The following MORC2 variants were observed in gnomAD, a reference collection of about 807,000 sequenced individuals.
MORC2 encodes the protein MORC family CW-type zinc finger 2.
In MORC2, 30 loss-of-function variants were observed where a neutral mutation model predicts 136.0. That is an observed-to-expected ratio of 0.22 (90% CI 0.17 to 0.30). MORC2 has a LOEUF of 0.30. Among genes scored for constraint, MORC2 ranks in the 10% least tolerant of loss-of-function variants. MORC2 has a pLI of 1.00. For synonymous variants in MORC2, 439 were observed against 487.0 expected, an observed-to-expected ratio of 0.90 and a Z score of 1.30; for missense variants, 922 against 1,333.1, an observed-to-expected ratio of 0.69 and a Z score of 4.80.
intron 1 of MORC2, chr22:30,967,037 T>C (rs2041138655): frequency 1.1e-6 from 1 of 944,450 alleles, no homozygotes; most frequent in Non-Finnish European, 1.3e-6. Context: ...TCATCTCCTC[T>C]CCAGGTACTA....
intron 6 of MORC2, among the ~76,000 whole-genome samples, chr22:30,944,651 C>T (rs1018351441): frequency 6.6e-6 from 1 of 152,154 alleles, no homozygotes; most frequent in African/African-American, 2.4e-5. Context: ...CCCCTCCATA[C>T]TTCCCCTCTT....
rs557006088 is a variant in MORC2, at chr22:30,936,919, A to T, written c.1604+13T>A. Reference sequence around the variant, plus strand: ...AAAGTACCCACAATCCCCTTGTTAGACAATGTGCTCACCGGTCCTGTTCAG... The same window carrying T: ...AAAGTACCCACAATCCCCTTGTTAGTCAATGTGCTCACCGGTCCTGTTCAG... On this transcript the variant is annotated intron_variant, in intron 16 of 25. Transcript: ENST00000397641. 1.9e-6 allele frequency: 3 copies of T among 1,607,776 alleles called. No homozygotes were observed. The highest frequency in any genetic ancestry group is 1.7e-5 in the Admixed American group (1 of 59,964).
intron 3 of MORC2, among the ~76,000 whole-genome samples, chr22:30,956,000 C>T (rs1157309246): frequency 7.2e-6 from 1 of 139,182 alleles, no homozygotes; most frequent in African/African-American, 2.7e-5. Flanking sequence ...AGGTAAGACT[C>T]CATCTCAAAA....
intron 6 of MORC2, among the ~76,000 whole-genome samples, chr22:30,943,348 C>CA (rs1171291588): frequency 6.6e-6 from 1 of 152,226 alleles, no homozygotes; most frequent in Non-Finnish European, 1.5e-5. Flanking sequence ...TGAGGGCACA[C>CA]AGGACACTTC....
Position 30,937,121 on chromosome 22 carries a change from T to G in MORC2, c.1499-84A>C. The G allele has an allele frequency of 1.1e-6, 1 of 929,978 alleles. No individual in the cohort carries two copies. Among genetic ancestry groups the G allele is most frequent in the Admixed American group, 1.9e-5 (1 of 51,658 alleles). 57.6% of individuals were successfully genotyped at this position (929,978 alleles called of 1,614,324 possible). A position where few individuals can be genotyped will look rare whatever the true frequency, so the allele number is the denominator to read the frequency against. ...CGGGTTCCTCACAGGCCCACCACAA[T>G]GATGCCCCAGACTTTGTAGGCAAAG... On this transcript the variant is annotated intron_variant, in intron 15 of 25. Coordinates refer to ENST00000397641, the MANE Select transcript of MORC2 (RefSeq NM_001303256.3). The surrounding 1 kb of genome is among the most constrained non-coding windows in gnomAD (Gnocchi z 4.7).
intron 6 of MORC2, 126 bp downstream of exon 6, chr22:30,946,215 A>G: frequency 1.5e-6 from 1 of 653,554 alleles, no homozygotes; most frequent in Non-Finnish European, 2.6e-6. Context: ...CTGCATAACA[A>G]TTAGGGGGAA....
chr22:30,932,010 C>T lies in MORC2; in HGVS notation c.2841+349G>A, dbSNP rs974528558. 2.6e-5 allele frequency among the ~76,000 whole-genome samples: 4 copies of T among 152,234 alleles called. No homozygotes were observed. Among genetic ancestry groups the T allele is most frequent in the Non-Finnish European group, 5.9e-5 (4 of 68,044 alleles). ...TTCGAGCCTCAGCTCTTCACTGTTGCCTGGGACAGGTTTACTCCCTCTACT... is the reference window on the plus strand; with the variant it reads ...TTCGAGCCTCAGCTCTTCACTGTTGTCTGGGACAGGTTTACTCCCTCTACT... On this transcript the variant is annotated intron_variant, in intron 24 of 25. Coordinates refer to ENST00000397641, the MANE Select transcript of MORC2 (RefSeq NM_001303256.3). This position sits in a 1 kb window ranked among gnomAD's most constrained non-coding sequence, Gnocchi z 4.4.
chr22:30,934,317 T>C lies in MORC2; in HGVS notation c.2194-126A>G. On this transcript the variant is annotated intron_variant, in intron 19 of 25. Transcript: ENST00000397641. The surrounding 1 kb of genome is among the most constrained non-coding windows in gnomAD (Gnocchi z 4.4). ...ACTCCCTGCAATCCCTGCCTGACAT[T>C]ACTTGGAATGTACACAGGCAACCCA... 7.3e-7 allele frequency: 1 copy of C among 1,374,292 alleles called. No individual in the cohort carries two copies. The highest frequency in any genetic ancestry group is 1.4e-5 in the South Asian group (1 of 70,556). The allele number at this position is 1,374,292 out of a possible 1,614,324, so 85.1% of individuals were successfully genotyped here.
At chr22:30,954,341 T>C (rs1258533333) in intron 3 of MORC2, among the ~76,000 whole-genome samples, 2 of 152,108 alleles carry the variant, frequency 1.3e-5, no homozygotes, top group Non-Finnish European at 1.5e-5. Context: ...GGTAGAAAAG[T>C]GTAGGGTTAA....
chr22:30,938,724 C>T (rs1418842421), intron 12 of MORC2, among the ~76,000 whole-genome samples: 2 of 152,190 alleles, frequency 1.3e-5, no homozygotes, highest in African/African-American at 4.8e-5. Flanking sequence ...TGCCCGCCAC[C>T]ATGCCCGGCT....
intron 24 of MORC2, among the ~76,000 whole-genome samples, chr22:30,930,703 C>T (rs2040562830): frequency 6.6e-6 from 1 of 152,206 alleles, no homozygotes; most frequent in Non-Finnish European, 1.5e-5. Context: ...ACTAATCCTG[C>T]AGTTTCCATT....
chr22:30,960,469 G>A (rs2041026914), intron 1 of MORC2, among the ~76,000 whole-genome samples: 3 of 151,846 alleles, frequency 2.0e-5, no homozygotes. Flanking sequence ...TATACTACAG[G>A]GAAAAGACAG....
At chr22:30,966,577 C>A (rs2041131517) in intron 1 of MORC2, among the ~76,000 whole-genome samples, 1 of 152,034 alleles carries the variant, frequency 6.6e-6, no homozygotes, top group Non-Finnish European at 1.5e-5. Context: ...GAGTTCGGGA[C>A]CAGCCTGGCC....
At chr22:30,961,322 C>T (rs773900069) in intron 1 of MORC2, among the ~76,000 whole-genome samples, 44 of 152,246 alleles carry the variant, frequency 2.9e-4, no homozygotes, top group Non-Finnish European at 6.2e-4. Flanking sequence ...CTGTAAACTA[C>T]CCCACTAACT....
In MORC2 at chr22:30,940,831, G is replaced by A; in HGVS notation, c.831C>T (p.Tyr277=). ...LSCCLYKPRM[Y]KYTSSRFKTR... The stretch of plus-strand genomic sequence containing the variant: ...TCTTGAAACGGCTTGACGTGTACTT[G>A]TACATCCTGATCAGTAGAAAAAGCA... The change falls in exon 10 of 26, where the codon TAC becomes TAT. Residue 277 remains tyrosine, a synonymous_variant. Coordinates refer to ENST00000397641, the MANE Select transcript of MORC2 (RefSeq NM_001303256.3). 2 of 1,613,992 alleles carry A rather than the reference G, an allele frequency of 1.2e-6. No individual in the cohort carries two copies. The highest frequency in any genetic ancestry group is 1.7e-6 in the Non-Finnish European group (2 of 1,179,958).
chr22:30,936,139 T>TA (rs1369158802), intron 17 of MORC2, among the ~76,000 whole-genome samples: 1 of 152,216 alleles, frequency 6.6e-6, no homozygotes. Flanking sequence ...CTATTTCTAT[T>TA]AAAAAATATA....
intron 2 of MORC2, among the ~76,000 whole-genome samples, chr22:30,958,080 TCA>T (rs2040992403): frequency 6.6e-6 from 1 of 152,254 alleles, no homozygotes; most frequent in South Asian, 2.1e-4. Context: ...AAACTTCTAT[TCA>T]GTCTTACACA....
intron 6 of MORC2, among the ~76,000 whole-genome samples, chr22:30,944,739 C>T (rs1343086245): frequency 4.6e-5 from 7 of 152,198 alleles, no homozygotes; most frequent in East Asian, 3.9e-4. Context: ...TCCCCTGCTT[C>T]GCTTTCGCCT....
chr22:30,932,571 G>T lies in MORC2; in HGVS notation c.2721C>A (p.Thr907=). 1 of 1,614,164 alleles carries T rather than the reference G, an allele frequency of 6.2e-7. No homozygotes were observed. Among genetic ancestry groups the T allele is most frequent in the Admixed American group, 1.7e-5 (1 of 60,018 alleles). Residue 907 remains threonine (T), a synonymous_variant, in exon 23 of 26, where the codon ACC becomes ACA. Transcript: ENST00000397641. The surrounding 1 kb of genome is among the most constrained non-coding windows in gnomAD (Gnocchi z 4.4). The stretch of plus-strand genomic sequence containing the variant: ...GGAGGATCTGGACAAGCAGGTCGAT[G>T]GTCTCGTGATTGGTGCTCAGGGCAG... ...DTTALSTNHE[T]IDLLVQILRN...
Sources: allele counts gnomAD v4.1 joint callset (sites outside exome capture counted in the v4.1 genomes callset), GRCh38; gene constraint gnomAD v4.1.1; non-coding constraint Gnocchi (gnomAD v3.1); transcripts MANE v1.5; gene names NCBI Gene and HGNC (gene_info 2026-07-23, HGNC 2026-07-21).